The following BCOR variants were observed in gnomAD, a reference collection of about 807,000 sequenced individuals.
BCOR encodes BCL6 corepressor, also known as BCL-6 corepressor.
A neutral mutation model predicts 86.7 loss-of-function variants in BCOR; 10 were observed. The observed-to-expected ratio is 0.12, with a 90% CI of 0.07 to 0.20. The LOEUF (loss-of-function observed/expected upper bound fraction) is 0.20, where lower values mean the gene tolerates loss of function less well. Ranked by LOEUF, BCOR falls within the 10% of genes least tolerant of loss-of-function variation. The pLI, the probability that BCOR is intolerant of heterozygous loss-of-function variation, is 1.00. For missense variants in BCOR, 1,259 were observed against 1,452.1 expected (o/e 0.87, Z 2.16); for synonymous variants, 611 against 609.0 (o/e 1.00, Z -0.05).
chrX:40,082,308 T>C (rs1936142446), intron 1 of BCOR, among the ~76,000 whole-genome samples: 1 of 104,859 alleles, frequency 9.5e-6, no homozygotes, highest in Admixed American at 1.0e-4. Context: ...CAGTTAAAAG[T>C]CTGCACATTA....
At chrX:40,062,483 C>T (rs748517154) in intron 9 of BCOR, 90 bp from the exon 10 acceptor site, 21 of 1,089,019 alleles carry the variant, frequency 1.9e-5, no homozygotes, top group South Asian at 3.9e-5. Flanking sequence ...GACAAACCTG[C>T]GTGGAGAGAG....
At chrX:40,065,644 G>A (rs1309683934) in intron 6 of BCOR, among the ~76,000 whole-genome samples, 2 of 112,092 alleles carry the variant, frequency 1.8e-5, no homozygotes, top group Non-Finnish European at 3.8e-5. Flanking sequence ...CTGCTTTGCT[G>A]GTCACAATTT....
chrX:40,145,311 T>G (rs1938021964), intron 1 of BCOR, among the ~76,000 whole-genome samples: 1 of 111,343 alleles, frequency 9.0e-6, no homozygotes, highest in Non-Finnish European at 1.9e-5. Context: ...CCGCCCCAGC[T>G]CTGGGCAACT....
rs371210264 is a variant in BCOR at position 40,072,577 on chromosome X, T to C, written c.2769A>G (p.Pro923=). ...TFGKTQEDPK[P]FCVGSAPPSV... The stretch of plus-strand genomic sequence containing the variant: ...TTGGTGGGGCACTGCCCACACAAAA[T>C]GGTTTGGGATCCTCTTGGGTTTTAC... Residue 923 remains proline, a synonymous_variant, in exon 4 of 15, where the codon CCA becomes CCG. Transcript: ENST00000378444. 1.2e-5 allele frequency: 14 copies of C among 1,210,202 alleles called. No individual in the cohort carries two copies. The highest frequency in any genetic ancestry group is 8.7e-5 in the Admixed American group (4 of 45,853).
intron 1 of BCOR, among the ~76,000 whole-genome samples, chrX:40,111,177 T>C (rs1937306595): frequency 1.8e-5 from 2 of 111,775 alleles, no homozygotes; most frequent in Admixed American, 9.5e-5. Flanking sequence ...GTTTCATACC[T>C]GCTAAAATAT....
At chrX:40,173,582 C>T (rs1010138080) in intron 1 of BCOR, among the ~76,000 whole-genome samples, 1 of 112,349 alleles carries the variant, frequency 8.9e-6, no homozygotes, top group African/African-American at 3.2e-5. Context: ...TAGGTCTCCA[C>T]TAGACCGTCC....
intron 1 of BCOR, among the ~76,000 whole-genome samples, chrX:40,168,263 G>A (rs1175681734): frequency 8.8e-6 from 1 of 113,054 alleles, no homozygotes; most frequent in Admixed American, 9.3e-5. Flanking sequence ...TTTTAGGGGG[G>A]CCTTCCGCGG....
intron 1 of BCOR, among the ~76,000 whole-genome samples, chrX:40,153,551 C>T (rs1459410601): frequency 8.9e-6 from 1 of 112,004 alleles, no homozygotes; most frequent in Non-Finnish European, 1.9e-5. Context: ...CCAGACTCTG[C>T]CCCACCCCCC....
At chrX:40,144,930 ACAT>A (rs1938006522) in intron 1 of BCOR, among the ~76,000 whole-genome samples, 1 of 110,480 alleles carries the variant, frequency 9.1e-6, no homozygotes, top group African/African-American at 3.3e-5. Context: ...CAAATTTGAA[ACAT>A]CTGCCGAGCT....
intron 1 of BCOR, among the ~76,000 whole-genome samples, chrX:40,117,318 T>A (rs764997832): frequency 3.6e-5 from 4 of 110,950 alleles, no homozygotes; most frequent in Non-Finnish European, 7.5e-5. Context: ...CTGTTTAGAG[T>A]TCAGTGCTAA....
intron 10 of BCOR, 101 bp from the exon 11 acceptor site, chrX:40,057,422 G>T: frequency 2.3e-6 from 2 of 869,784 alleles, no homozygotes; most frequent in Non-Finnish European, 3.3e-6. Flanking sequence ...TCAGGCCTGA[G>T]AACCTGAGAA....
chrX:40,098,911 G>C (rs1484624427), upstream of BCOR, among the ~76,000 whole-genome samples: 1 of 112,560 alleles, frequency 8.9e-6, no homozygotes. Flanking sequence ...GTGGGGGGCG[G>C]TCGGCGAGCG....
At chrX:40,144,720 G>A (rs955238640) in intron 1 of BCOR, among the ~76,000 whole-genome samples, 1 of 110,854 alleles carries the variant, frequency 9.0e-6, no homozygotes, top group Non-Finnish European at 1.9e-5. Flanking sequence ...TCTTGCCTTT[G>A]TGACCGCCCC....
intron 10 of BCOR, among the ~76,000 whole-genome samples, chrX:40,061,138 G>A (rs62584523): frequency 6.1e-4 from 69 of 112,233 alleles, no homozygotes; most frequent in Non-Finnish European, 9.6e-4. Flanking sequence ...CTGCTGAACC[G>A]CATTTTATTT....
chrX:40,055,007 T>C (rs1284418192), intron 12 of BCOR, among the ~76,000 whole-genome samples: 1 of 112,273 alleles, frequency 8.9e-6, no homozygotes, highest in Non-Finnish European at 1.9e-5. Context: ...GCCCAGGGCT[T>C]AAGTAATGGG....
At chrX:40,084,135 G>GCC (rs1936241385) in intron 1 of BCOR, among the ~76,000 whole-genome samples, 2 of 111,835 alleles carry the variant, frequency 1.8e-5, no homozygotes, top group African/African-American at 3.2e-5. Context: ...CTGTAACGTG[G>GCC]GAGGGGTGCG....
intron 1 of BCOR, among the ~76,000 whole-genome samples, chrX:40,172,984 T>C (rs935977096): frequency 8.9e-6 from 1 of 112,845 alleles, no homozygotes; most frequent in African/African-American, 3.2e-5. Context: ...CCCTGACCCC[T>C]TCCTTGCCGC....
At chrX:40,098,492 C>T (rs1410199760), upstream of BCOR, among the ~76,000 whole-genome samples, 1 of 111,518 alleles carries the variant, frequency 9.0e-6, no homozygotes, top group Non-Finnish European at 1.9e-5. Flanking sequence ...GGGCGGCTCT[C>T]CCAGCCGCGC....
At position 40,097,308 on chromosome X, in the gene BCOR, G is replaced by A. The variant is rs1404526669; in HGVS notation, c.-134C>T. 1 of 110,388 alleles carries A rather than the reference G, an allele frequency of 9.1e-6. No homozygotes were observed. Among genetic ancestry groups the A allele is most frequent in the East Asian group, 2.9e-4 (1 of 3,465 alleles). The allele number at this position is 110,388 out of a possible 1,213,427, so 9.1% of individuals were successfully genotyped here. A position where few individuals can be genotyped will look rare whatever the true frequency, so the allele number is the denominator to read the frequency against. ...GACTCGAGGCGGCGAGAAGGAGCGG[G>A]GGGCGGTTGGGTGGGTGGAGAGAGA... On this transcript the variant is annotated 5_prime_UTR_variant, in exon 1 of 15. Transcript: ENST00000378444.
Sources: allele counts gnomAD v4.1 joint callset (sites outside exome capture counted in the v4.1 genomes callset), GRCh38; gene constraint gnomAD v4.1.1; transcripts MANE v1.5; gene names NCBI Gene and HGNC (gene_info 2026-07-23, HGNC 2026-07-21).